Variants in ATAD1 observed in about 807,000 individuals in gnomAD.
ATAD1 encodes ATPase family AAA domain containing 1.
A neutral mutation model predicts 42.7 loss-of-function variants in ATAD1; 18 were observed. The observed-to-expected ratio is 0.42, with a 90% CI of 0.29 to 0.63. The LOEUF is 0.63. Ranked by LOEUF, ATAD1 falls within the 20% of genes least tolerant of loss-of-function variation. The pLI, the probability that ATAD1 is intolerant of heterozygous loss-of-function variation, is 0.19. For synonymous variants in ATAD1, 132 were observed against 143.1 expected, an observed-to-expected ratio of 0.92 and a Z score of 0.55; for missense variants, 294 against 440.4, an observed-to-expected ratio of 0.67 and a Z score of 2.98.
chr10:87,756,148 G>A (rs767258502), intron 9 of ATAD1, among the ~76,000 whole-genome samples: 5 of 152,320 alleles, frequency 3.3e-5, no homozygotes, highest in Non-Finnish European at 7.3e-5. Flanking sequence ...AAGAGACAAA[G>A]GGACAAGAGT....
chr10:87,820,443 A>G (rs1857611285), upstream of ATAD1, among the ~76,000 whole-genome samples: 1 of 152,172 alleles, frequency 6.6e-6, no homozygotes, highest in African/African-American at 2.4e-5. Context: ...GCATGAGACT[A>G]AAAGGTTTGC....
At chr10:87,795,548 G>A (rs1363098662) in intron 2 of ATAD1, among the ~76,000 whole-genome samples, 1 of 150,730 alleles carries the variant, frequency 6.6e-6, no homozygotes, top group African/African-American at 2.4e-5. Context: ...AGTGTGTGGG[G>A]GCCAAAAGAA....
intron 2 of ATAD1, among the ~76,000 whole-genome samples, chr10:87,798,561 T>G (rs1589529944): frequency 1.3e-5 from 2 of 151,430 alleles, no homozygotes; most frequent in East Asian, 3.9e-4. Flanking sequence ...TTGTGTTTTT[T>G]TTTTGCAAGC....
intron 1 of ATAD1, among the ~76,000 whole-genome samples, chr10:87,828,053 G>C (rs1462270672): frequency 6.6e-6 from 1 of 152,018 alleles, no homozygotes; most frequent in African/African-American, 2.4e-5. Context: ...AAATTCCCAG[G>C]CTCAAGCAAT....
chr10:87,766,358 A>G (rs1854747665), intron 8 of ATAD1, among the ~76,000 whole-genome samples: 1 of 152,198 alleles, frequency 6.6e-6, no homozygotes, highest in Non-Finnish European at 1.5e-5. Context: ...AATGTCCTTC[A>G]ATGTGGCATT....
At chr10:87,820,192 C>T (rs1201808996), upstream of ATAD1, among the ~76,000 whole-genome samples, 1 of 152,132 alleles carries the variant, frequency 6.6e-6, no homozygotes, top group Admixed American at 6.5e-5. Context: ...CAAGCTGAAT[C>T]ATTGCTTGGG....
chr10:87,820,949 C>G (rs1857620517), upstream of ATAD1, among the ~76,000 whole-genome samples: 1 of 152,096 alleles, frequency 6.6e-6, no homozygotes, highest in African/African-American at 2.4e-5. Context: ...ATAAATAATT[C>G]AATATATATA....
At chr10:87,825,916 C>T (rs1290094164) in intron 1 of ATAD1, among the ~76,000 whole-genome samples, 1 of 152,142 alleles carries the variant, frequency 6.6e-6, no homozygotes, top group Non-Finnish European at 1.5e-5. Context: ...TTAATAGAAA[C>T]ATTCCCAAAG....
At chr10:87,763,218 C>T (rs889511307) in intron 8 of ATAD1, among the ~76,000 whole-genome samples, 8 of 151,532 alleles carry the variant, frequency 5.3e-5, no homozygotes, top group African/African-American at 1.9e-4. Flanking sequence ...ACATACGTAG[C>T]TTTCTTAGAA....
rs1481504172 is a variant in ATAD1, at chr10:87,814,443, T to C, written c.157A>G (p.Lys53Glu). ...TTCAAACATTTCAATCATACCTGTT[T>C]CTGAGCTTCTACTTTTTGCTTTCTG... ...PTRKQKVEAQ[K>E]QAEKLMKQIG... The change falls in exon 2 of 10, where the codon AAA becomes GAA. Residue 53 changes from lysine (K) to glutamate (E), a missense_variant. Physicochemically the swap from Lys to Glu is moderately conservative, Grantham distance 56. Transcript: ENST00000680024. 1 of 1,590,684 alleles carries C rather than the reference T, an allele frequency of 6.3e-7. No homozygotes were observed. The highest frequency in any genetic ancestry group is 1.4e-5 in the African/African-American group (1 of 73,870).
At chr10:87,831,050 C>T (rs1057442047) in intron 1 of ATAD1, among the ~76,000 whole-genome samples, 1 of 152,130 alleles carries the variant, frequency 6.6e-6, no homozygotes, top group Non-Finnish European at 1.5e-5. Context: ...AATGACAGCA[C>T]ATTTCGGGTG....
intron 2 of ATAD1, among the ~76,000 whole-genome samples, chr10:87,794,564 T>C (rs1428245976): frequency 6.6e-6 from 1 of 152,112 alleles, no homozygotes; most frequent in African/African-American, 2.4e-5. Flanking sequence ...CACTTGGGGG[T>C]AGGGTGATAC....
intron 2 of ATAD1, among the ~76,000 whole-genome samples, chr10:87,805,924 T>C (rs1169402919): frequency 6.6e-6 from 1 of 152,122 alleles, no homozygotes; most frequent in Non-Finnish European, 1.5e-5. Flanking sequence ...TCATGACCTC[T>C]TCTTCTCCTT....
intron 2 of ATAD1, among the ~76,000 whole-genome samples, chr10:87,792,983 G>C (rs1856200844): frequency 6.6e-6 from 1 of 152,110 alleles, no homozygotes; most frequent in South Asian, 2.1e-4. Context: ...TTCAGGAAAT[G>C]AGAAAATAGG....
upstream of ATAD1, among the ~76,000 whole-genome samples, chr10:87,821,083 T>C (rs531688799): frequency 1.3e-5 from 2 of 152,318 alleles, no homozygotes; most frequent in South Asian, 4.1e-4. Flanking sequence ...GTGTGTGTGT[T>C]TTCTGTATCA....
At chr10:87,823,879 C>T (rs1857676533) in intron 1 of ATAD1, among the ~76,000 whole-genome samples, 1 of 152,158 alleles carries the variant, frequency 6.6e-6, no homozygotes, top group African/African-American at 2.4e-5. Flanking sequence ...ATAAAACCTT[C>T]CTCCTCCCAC....
intron 5 of ATAD1, among the ~76,000 whole-genome samples, chr10:87,782,638 C>T (rs1855621847): frequency 6.6e-6 from 1 of 152,104 alleles, no homozygotes; most frequent in Admixed American, 6.5e-5. Context: ...CGTATAACTT[C>T]TAAACCTGTA....
At chr10:87,840,458 C>T (rs1858011452) in intron 1 of ATAD1, among the ~76,000 whole-genome samples, 1 of 152,070 alleles carries the variant, frequency 6.6e-6, no homozygotes, top group Non-Finnish European at 1.5e-5. Flanking sequence ...GCACTCCAGC[C>T]TAGGTGACAG....
At chr10:87,840,242 G>A (rs772407214) in intron 1 of ATAD1, among the ~76,000 whole-genome samples, 1 of 152,196 alleles carries the variant, frequency 6.6e-6, no homozygotes, top group Non-Finnish European at 1.5e-5. Context: ...CCAACACTTC[G>A]TGATGACAAG....
Sources: gnomAD v4.1 joint callset for allele counts (sites outside exome capture counted in the v4.1 genomes callset) on GRCh38, gnomAD v4.1.1 for gene constraint, MANE v1.5 for transcripts, NCBI Gene and HGNC (gene_info 2026-07-23, HGNC 2026-07-21) for gene names.